The following DACH2 variants were observed in gnomAD, a reference collection of about 807,000 sequenced individuals.
DACH2 encodes dachshund homolog 2.
Under a neutral mutation model 35.8 loss-of-function variants are expected in DACH2, and 17 were observed. The observed-to-expected ratio is 0.48, with a 90% CI of 0.33 to 0.71. The LOEUF is 0.71. Ranked by LOEUF, DACH2 falls within the 30% of genes least tolerant of loss-of-function variation. DACH2 has a pLI of 0.02. For missense variants in DACH2, 469 were observed against 472.7 expected, an observed-to-expected ratio of 0.99 and a Z score of 0.07; for synonymous variants, 195 against 177.3, an observed-to-expected ratio of 1.10 and a Z score of -0.79.
intron 1 of DACH2, among the ~76,000 whole-genome samples, chrX:86,327,417 A>G (rs2035135838): frequency 8.9e-6 from 1 of 111,889 alleles, no homozygotes; most frequent in Admixed American, 9.5e-5. Flanking sequence ...ATTTTTAGAG[A>G]AAAAGAAATG....
intron 2 of DACH2, among the ~76,000 whole-genome samples, chrX:86,404,116 C>T (rs746181412): frequency 3.6e-5 from 4 of 110,812 alleles, no homozygotes; most frequent in Non-Finnish European, 5.7e-5. Flanking sequence ...ATGGGAACTA[C>T]CATTCAAGAT....
At chrX:86,280,040 T>A (rs1416585258) in intron 1 of DACH2, among the ~76,000 whole-genome samples, 1 of 110,924 alleles carries the variant, frequency 9.0e-6, no homozygotes, top group East Asian at 2.9e-4. Context: ...CAGGATATTA[T>A]CCAGGAGAAC....
At chrX:86,808,334 T>A (rs1314380114) in intron 7 of DACH2, among the ~76,000 whole-genome samples, 1 of 112,001 alleles carries the variant, frequency 8.9e-6, no homozygotes, top group African/African-American at 3.2e-5. Flanking sequence ...TGAGCATAAT[T>A]GGTTTTAGAG....
intron 3 of DACH2, among the ~76,000 whole-genome samples, chrX:86,537,202 A>C (rs1332660386): frequency 9.0e-6 from 1 of 111,725 alleles, no homozygotes; most frequent in Non-Finnish European, 1.9e-5. Flanking sequence ...CCTTGGACCC[A>C]CATGAGCTAT....
At chrX:86,826,785 G>A (rs997342359) in intron 11 of DACH2, among the ~76,000 whole-genome samples, 2 of 112,186 alleles carry the variant, frequency 1.8e-5, no homozygotes, top group African/African-American at 6.5e-5. Flanking sequence ...AACAAGTGGA[G>A]CATTAACTAG....
At chrX:86,629,874 C>T (rs1351411564) in intron 3 of DACH2, among the ~76,000 whole-genome samples, 1 of 110,636 alleles carries the variant, frequency 9.0e-6, no homozygotes, top group Non-Finnish European at 1.9e-5. Context: ...GACCCTGTCT[C>T]AAAAATAATA....
intron 7 of DACH2, among the ~76,000 whole-genome samples, chrX:86,753,055 T>TACACAC (rs752782082): frequency 4.8e-5 from 2 of 41,998 alleles, no homozygotes; most frequent in East Asian, 2.2e-3. Context: ...TTATTAAAAG[T>TACACAC]ACACACACAC....
chrX:86,397,623 G>A (rs1186549012), intron 2 of DACH2, among the ~76,000 whole-genome samples: 1 of 111,628 alleles, frequency 9.0e-6, no homozygotes, highest in African/African-American at 3.3e-5. Flanking sequence ...TTTGTCAAAG[G>A]CCTTTTCTGC....
chrX:86,347,414 C>T (rs1006162185), intron 1 of DACH2, among the ~76,000 whole-genome samples: 21 of 112,471 alleles, frequency 1.9e-4, no homozygotes, highest in African/African-American at 6.8e-4. Flanking sequence ...AAAGCGCACA[C>T]ACACACACAC....
At position 86,310,750 on chromosome X, in the gene DACH2, GT is replaced by G. The variant is rs754049339; in HGVS notation, c.489-66073del. Reference sequence around the variant, plus strand: ...AAAGAAATTTAGGAAAGGAGTTTGTGTATGGACCTCTCTCAGTGGTCAAAAA... The same window carrying G: ...AAAGAAATTTAGGAAAGGAGTTTGTGATGGACCTCTCTCAGTGGTCAAAAA... On this transcript the variant is annotated intron_variant, in intron 1 of 11. Transcript: ENST00000373125. Among the ~76,000 whole-genome samples the G allele has an allele frequency of 7.2e-5, 8 of 111,708 alleles. No homozygotes were observed. The East Asian group carries it at 2.3e-3, about 32-fold the overall frequency.
chrX:86,609,576 G>A (rs1489321212), intron 3 of DACH2, among the ~76,000 whole-genome samples: 1 of 111,719 alleles, frequency 9.0e-6, no homozygotes, highest in Non-Finnish European at 1.9e-5. Context: ...TGTCTTCATG[G>A]TTTGGTCTTG....
At chrX:86,323,054 C>A (rs1258456471) in intron 1 of DACH2, among the ~76,000 whole-genome samples, 1 of 112,513 alleles carries the variant, frequency 8.9e-6, no homozygotes, top group East Asian at 2.8e-4. Context: ...AGGCTTTTGG[C>A]AAAGGGCAGA....
intron 3 of DACH2, among the ~76,000 whole-genome samples, chrX:86,624,060 CA>C (rs34140706): frequency 0.074 from 2,680 of 35,978 alleles, 76 homozygotes; most frequent in African/African-American, 0.18. Flanking sequence ...AAAAACAAAA[CA>C]AAAAAAAAAA....
intron 2 of DACH2, among the ~76,000 whole-genome samples, chrX:86,485,319 A>G (rs778643500): frequency 9.0e-6 from 1 of 111,394 alleles, no homozygotes; most frequent in South Asian, 3.7e-4. Context: ...TGGAGTCTAA[A>G]AAGTTGATCT....
chrX:86,754,523 T>C (rs909033917), intron 7 of DACH2, among the ~76,000 whole-genome samples: 35 of 111,365 alleles, frequency 3.1e-4, no homozygotes, highest in African/African-American at 1.1e-3. Context: ...TAATTTTTTC[T>C]ATCTAAATAT....
intron 3 of DACH2, among the ~76,000 whole-genome samples, chrX:86,648,898 C>G (rs947119361): frequency 7.2e-5 from 8 of 110,638 alleles, no homozygotes; most frequent in African/African-American, 2.6e-4. Flanking sequence ...ATATAAAAGA[C>G]AACAAAAAAT....
At chrX:86,309,185 T>A (rs966949526) in intron 1 of DACH2, among the ~76,000 whole-genome samples, 2 of 112,285 alleles carry the variant, frequency 1.8e-5, no homozygotes, top group Non-Finnish European at 3.8e-5. Context: ...TACATCCCTG[T>A]TAAATTCTCC....
chrX:86,529,476 A>ATT (rs201967458), intron 3 of DACH2, among the ~76,000 whole-genome samples: 1 of 92,239 alleles, frequency 1.1e-5, no homozygotes, highest in African/African-American at 3.9e-5. Context: ...TGTGATCAAC[A>ATT]TTTTTTTTTT....
At chrX:86,366,919 A>G (rs756012023) in intron 1 of DACH2, among the ~76,000 whole-genome samples, 2 of 111,062 alleles carry the variant, frequency 1.8e-5, no homozygotes, top group Non-Finnish European at 3.8e-5. Context: ...TACAGCCTAT[A>G]GAAATGTGAG....
Sources: allele counts gnomAD v4.1 joint callset (sites outside exome capture counted in the v4.1 genomes callset), GRCh38; gene constraint gnomAD v4.1.1; transcripts MANE v1.5; gene names NCBI Gene and HGNC (gene_info 2026-07-23, HGNC 2026-07-21).